Variants in CFAP300 observed in about 807,000 individuals in gnomAD.
CFAP300 encodes cilia and flagella associated protein 300, also known as cilia- and flagella-associated protein 300.
CFAP300 carries 32 observed loss-of-function variants against 33.0 expected under a neutral mutation model. The observed-to-expected ratio is 0.97, with a 90% CI of 0.73 to 1.30. The LOEUF (loss-of-function observed/expected upper bound fraction) is 1.30, where lower values mean the gene tolerates loss of function less well. Among genes scored for constraint, CFAP300 ranks in the 50% most tolerant of loss-of-function variants. The pLI, the probability that CFAP300 is intolerant of heterozygous loss-of-function variation, is 0.00. For synonymous variants in CFAP300, 102 were observed against 106.8 expected (o/e 0.95, Z 0.28); for missense variants, 356 against 318.1 (o/e 1.12, Z -0.90).
At chr11:102,076,273 T>A (rs1942394097) in intron 5 of CFAP300, among the ~76,000 whole-genome samples, 1 of 151,950 alleles carries the variant, frequency 6.6e-6, no homozygotes, top group Admixed American at 6.6e-5. Context: ...TTCATCTAGC[T>A]CTTCTGCTTT....
At position 102,047,902 on chromosome 11, in the gene CFAP300, T is replaced by A; in HGVS notation, c.192+6T>A. On this transcript the variant is annotated splice_donor_region_variant and intron_variant, in intron 2 of 6. Coordinates refer to ENST00000434758, the MANE Select transcript of CFAP300 (RefSeq NM_032930.3). ...GGAAGGATGATTTCGTTATGGTTAG[T>A]ATGGGGGTCGGAGAGTTCCCTGGGT... The A allele has an allele frequency of 6.2e-7, 1 of 1,614,026 alleles. No individual in the cohort carries two copies. Among genetic ancestry groups the A allele is most frequent in the Non-Finnish European group, 8.5e-7 (1 of 1,179,928 alleles).
In CFAP300 at chr11:102,081,245, A is replaced by G. The variant is rs904245416; in HGVS notation, c.639A>G (p.Ile213Met). The G allele has an allele frequency of 3.1e-6, 5 of 1,611,064 alleles. No individual in the cohort carries two copies. The highest frequency in any genetic ancestry group is 4.2e-6 in the Non-Finnish European group (5 of 1,179,518). ...SVRKNPQTKK[I>M]QITSSVFKVS... ...GAAAGAATCCTCAAACCAAGAAAAT[A>G]CAGATTACCTCTTCTGTCTTTAAAG... Residue 213 changes from isoleucine (I) to methionine (M), a missense_variant, in exon 6 of 7, where the codon ATA (isoleucine) becomes ATG (methionine). Coordinates refer to ENST00000434758, the MANE Select transcript of CFAP300 (RefSeq NM_032930.3).
At chr11:102,055,467 C>A (rs1309615318) in intron 2 of CFAP300, among the ~76,000 whole-genome samples, 1 of 146,214 alleles carries the variant, frequency 6.8e-6, no homozygotes, top group Non-Finnish European at 1.5e-5. Flanking sequence ...TAGCAGCCCT[C>A]CTAACTCAGC....
At chr11:102,070,471 T>C (rs1293152601) in intron 4 of CFAP300, among the ~76,000 whole-genome samples, 1 of 152,232 alleles carries the variant, frequency 6.6e-6, no homozygotes, top group African/African-American at 2.4e-5. Context: ...TGTATGGTAG[T>C]GTTAAGTGTA....
rs1180486177 is a variant in CFAP300, at chr11:102,047,450, A to G, written c.-21A>G. 4 of 1,529,736 alleles carry G rather than the reference A, an allele frequency of 2.6e-6. No homozygotes were observed. The highest frequency in any genetic ancestry group is 1.2e-5 in the South Asian group (1 of 83,918). The allele number at this position is 1,529,736 out of a possible 1,614,324, so 94.8% of individuals were successfully genotyped here. On this transcript the variant is annotated 5_prime_UTR_variant, in exon 1 of 7. Transcript: ENST00000434758. ...GCGTCTCCATGGAAACGGCCCAGGC[A>G]TCCACCCAGCCGAGAGCACGATGGC...
At chr11:102,066,177 A>G (rs1942221991) in intron 3 of CFAP300, among the ~76,000 whole-genome samples, 1 of 151,910 alleles carries the variant, frequency 6.6e-6, no homozygotes. Flanking sequence ...GTTTCGCCAT[A>G]TTGGCCAGGC....
chr11:102,062,148 G>A (rs1373679978), intron 3 of CFAP300, among the ~76,000 whole-genome samples: 1 of 152,166 alleles, frequency 6.6e-6, no homozygotes, highest in Admixed American at 6.5e-5. Context: ...TACACAGAAA[G>A]AAGACAATTT....
chr11:102,081,472 G>C, intron 6 of CFAP300, 191 bp downstream of exon 6: 1 of 591,098 alleles, frequency 1.7e-6, no homozygotes, highest in Middle Eastern at 4.4e-4. Flanking sequence ...TTTTTCCCTG[G>C]CTTCCTTTCT....
At chr11:102,061,854 C>T (rs1166209441) in intron 3 of CFAP300, among the ~76,000 whole-genome samples, 2 of 152,170 alleles carry the variant, frequency 1.3e-5, no homozygotes, top group African/African-American at 4.8e-5. Context: ...TAGGGAAAAA[C>T]TGTGTTCTTT....
At chr11:102,069,795 T>TC (rs1942283750) in intron 4 of CFAP300, among the ~76,000 whole-genome samples, 2 of 152,024 alleles carry the variant, frequency 1.3e-5, no homozygotes, top group African/African-American at 4.8e-5. Context: ...AGAACGAGAC[T>TC]CCATCTAAAA....
chr11:102,064,110 T>C (rs961386819), intron 3 of CFAP300, among the ~76,000 whole-genome samples: 2 of 152,244 alleles, frequency 1.3e-5, no homozygotes, highest in African/African-American at 4.8e-5. Flanking sequence ...TGCTATTTTT[T>C]ATGTCTCAAT....
chr11:102,065,813 T>TA (rs1029874890), intron 3 of CFAP300, among the ~76,000 whole-genome samples: 1 of 152,008 alleles, frequency 6.6e-6, no homozygotes, highest in Non-Finnish European at 1.5e-5. Context: ...ATAATAGGAA[T>TA]AAAAAATCAT....
chr11:102,070,519 C>A (rs901461744), intron 4 of CFAP300, among the ~76,000 whole-genome samples: 3 of 152,014 alleles, frequency 2.0e-5, no homozygotes, highest in African/African-American at 7.3e-5. Context: ...TCTGGAGTTC[C>A]TGTTTGTTTG....
chr11:102,053,506 A>G (rs1942004128), intron 2 of CFAP300, among the ~76,000 whole-genome samples: 1 of 151,612 alleles, frequency 6.6e-6, no homozygotes, highest in Admixed American at 6.6e-5. Context: ...AGGCAAGATC[A>G]TACCATTGCA....
At chr11:102,057,425 T>C (rs1401663300) in intron 2 of CFAP300, among the ~76,000 whole-genome samples, 1 of 138,216 alleles carries the variant, frequency 7.2e-6, no homozygotes, top group African/African-American at 2.9e-5. Flanking sequence ...AAATTTAGGT[T>C]TGTCAGTTTT....
chr11:102,082,324 T>C (rs10750629), intron 6 of CFAP300, among the ~76,000 whole-genome samples: 65,364 of 151,340 alleles, frequency 0.43, 14,377 homozygotes, highest in East Asian at 0.71. Flanking sequence ...TGCAGTGAGC[T>C]GTGGTGGTAC....
chr11:102,076,182 C>A (rs1565397618), intron 5 of CFAP300, 137 bp downstream of exon 5: 1 of 805,346 alleles, frequency 1.2e-6, no homozygotes, highest in Non-Finnish European at 1.7e-6. Flanking sequence ...CCCTTACCCC[C>A]CTCTCATAAC....
At chr11:102,059,160 AT>A (rs1343500656) in intron 3 of CFAP300, among the ~76,000 whole-genome samples, 1 of 152,014 alleles carries the variant, frequency 6.6e-6, no homozygotes. Flanking sequence ...CATAAGAGCA[AT>A]TTTTCTCTCT....
chr11:102,052,812 T>C (rs1941990540), intron 2 of CFAP300, among the ~76,000 whole-genome samples: 1 of 152,218 alleles, frequency 6.6e-6, no homozygotes, highest in Admixed American at 6.5e-5. Context: ...CTTCCATGAT[T>C]ACAACAGTAG....
Sources: gnomAD v4.1 joint callset for allele counts (sites outside exome capture counted in the v4.1 genomes callset) on GRCh38, gnomAD v4.1.1 for gene constraint, MANE v1.5 for transcripts, NCBI Gene and HGNC (gene_info 2026-07-23, HGNC 2026-07-21) for gene names.